NUP210L: variants seen among roughly 807,000 people sequenced by gnomAD.
NUP210L encodes nucleoporin 210 like.
A neutral mutation model predicts 208.5 loss-of-function variants in NUP210L; 74 were observed. The observed-to-expected ratio is 0.35, with a 90% CI of 0.29 to 0.43. The LOEUF is 0.43. Among genes scored for constraint, NUP210L ranks in the 20% least tolerant of loss-of-function variants. The pLI is 1.00. For synonymous variants in NUP210L, 780 were observed against 816.9 expected, an observed-to-expected ratio of 0.95 and a Z score of 0.77; for missense variants, 1,843 against 2,289.4, an observed-to-expected ratio of 0.81 and a Z score of 3.98.
At position 154,146,998 on chromosome 1, in the gene NUP210L, T is replaced by C. The variant is rs146485037; in HGVS notation, c.341-3421A>G. Among the ~76,000 whole-genome samples the C allele has an allele frequency of 7.2e-3, 1,089 of 152,158 alleles. 12 individuals are homozygous for C. The highest frequency in any genetic ancestry group is 0.023 in the African/African-American group (973 of 41,510). The stretch of plus-strand genomic sequence containing the variant: ...GCCACCGCACCTGGCTAATTTTTAA[T>C]TTTTTAGTTTTTTGTAGAGACAGGG... On this transcript the variant is annotated intron_variant, in intron 2 of 39. Transcript: ENST00000368559.
exon 37 of NUP210L, chr1:154,000,984 G>A (rs1650175969): frequency 6.2e-7 from 1 of 1,614,068 alleles, no homozygotes; most frequent in Non-Finnish European, 8.5e-7. Context: ...CACTCTTACA[G>A]AGTAAATGGC....
At chr1:154,025,441 T>G in intron 30 of NUP210L, 101 bp downstream of exon 30, 1 of 720,408 alleles carries the variant, frequency 1.4e-6, no homozygotes, top group Non-Finnish European at 2.0e-6. Flanking sequence ...TTTAATGGCA[T>G]GATAAGAAAA....
At chr1:154,035,215 TTTTG>T (rs1652466634) in intron 27 of NUP210L, among the ~76,000 whole-genome samples, 1 of 152,110 alleles carries the variant, frequency 6.6e-6, no homozygotes, top group Non-Finnish European at 1.5e-5. Flanking sequence ...GGTTTGTCAA[TTTTG>T]TTTATCTTTT....
At chr1:154,006,944 G>GTATATATATA (rs1421316044) in intron 35 of NUP210L, among the ~76,000 whole-genome samples, 1 of 97,850 alleles carries the variant, frequency 1.0e-5, no homozygotes, top group Non-Finnish European at 2.1e-5. Flanking sequence ...GTGTGTGTGT[G>GTATATATATA]TGTATATATA....
intron 33 of NUP210L, among the ~76,000 whole-genome samples, chr1:154,013,988 C>T (rs1651108737): frequency 6.6e-6 from 1 of 152,104 alleles, no homozygotes; most frequent in South Asian, 2.1e-4. Flanking sequence ...TGGTCTCGAA[C>T]TCCTGACCTC....
intron 25 of NUP210L, among the ~76,000 whole-genome samples, chr1:154,049,660 G>GA (rs1478700754): frequency 2.6e-5 from 4 of 152,230 alleles, no homozygotes; most frequent in African/African-American, 4.8e-5. Flanking sequence ...TTGTTATTAA[G>GA]AAAAAATCAG....
chr1:154,135,129 T>C (rs1658469973), intron 7 of NUP210L, among the ~76,000 whole-genome samples: 1 of 152,226 alleles, frequency 6.6e-6, no homozygotes, highest in African/African-American at 2.4e-5. Context: ...TAGTTAAACA[T>C]CTACTGGAGA....
At chr1:154,094,883 A>C (rs1656105384) in intron 15 of NUP210L, 52 bp downstream of exon 15, 2 of 1,338,694 alleles carry the variant, frequency 1.5e-6, no homozygotes, top group Non-Finnish European at 2.1e-6. Flanking sequence ...GGAAGTACAA[A>C]GGATTTGGAG....
At chr1:153,999,722 G>A (rs1485236472) in intron 37 of NUP210L, among the ~76,000 whole-genome samples, 1 of 102,152 alleles carries the variant, frequency 9.8e-6, no homozygotes, top group Non-Finnish European at 1.8e-5. Flanking sequence ...GGGTGACAGA[G>A]CAAGACTCTC....
At position 153,992,869 on chromosome 1, in the gene NUP210L, C is replaced by T. The variant is rs373905827; in HGVS notation, c.5633G>A (p.Arg1878Gln). 51 of 1,612,784 alleles carry T rather than the reference C, an allele frequency of 3.2e-5. No individual in the cohort carries two copies. In the African/African-American group the frequency reaches 3.6e-4, roughly 11 times the overall value. Residue 1878 changes from arginine to glutamine, a missense_variant, in exon 40 of 40, where the codon CGG (arginine) becomes CAG (glutamine). Arg to Gln is a conservative substitution (Grantham distance 43). Coordinates refer to ENST00000368559, the Ensembl canonical transcript of NUP210L. ...TATACTCCATAACCAATGTTGCAGC[C>T]GACTTTGGGCCAATGGAGGTTGTAG...
At chr1:154,022,222 T>A in exon 32 of NUP210L, 3 of 1,614,138 alleles carry the variant, frequency 1.9e-6, no homozygotes, top group Non-Finnish European at 2.5e-6. Flanking sequence ...GCAACAGGAA[T>A]ATAATCTGCC....
intron 27 of NUP210L, among the ~76,000 whole-genome samples, chr1:154,035,554 C>T (rs1454527159): frequency 3.3e-5 from 5 of 151,596 alleles, no homozygotes; most frequent in Non-Finnish European, 4.4e-5. Flanking sequence ...CTTGCCACCA[C>T]GCCCAGCTAA....
chr1:154,071,868 C>T (rs368897840), intron 16 of NUP210L, among the ~76,000 whole-genome samples: 11 of 152,022 alleles, frequency 7.2e-5, no homozygotes, highest in African/African-American at 2.4e-4. Context: ...AATCCCCTGA[C>T]CTCGTGATCT....
At chr1:154,129,328 C>T (rs369794086) in exon 8 of NUP210L, 14 of 1,610,640 alleles carry the variant, frequency 8.7e-6, no homozygotes, top group Admixed American at 3.4e-5. Flanking sequence ...AGTCCAGACA[C>T]AGATCGCATA....
chr1:154,151,740 G>T (rs1659393945), intron 2 of NUP210L, among the ~76,000 whole-genome samples: 1 of 152,048 alleles, frequency 6.6e-6, no homozygotes, highest in Admixed American at 6.6e-5. Flanking sequence ...GTGAGCTACT[G>T]TCGTGCCATT....
rs149530665 is a variant in NUP210L, at chr1:154,082,098, C to T, written c.2361+7323G>A. 4.1e-4 allele frequency among the ~76,000 whole-genome samples: 63 copies of T among 152,130 alleles called. 3 individuals carry two copies. In the East Asian group the frequency reaches 0.011, roughly 26 times the overall value. Reference sequence around the variant, plus strand: ...CCTAATCCCATGGAGAGGGCATGGACGCTGCGTGTCTGGGACTCTCTGAAG... The same window carrying T: ...CCTAATCCCATGGAGAGGGCATGGATGCTGCGTGTCTGGGACTCTCTGAAG... On this transcript the variant is annotated intron_variant, in intron 16 of 39. Coordinates refer to ENST00000368559, the Ensembl canonical transcript of NUP210L.
exon 36 of NUP210L, chr1:154,001,779 C>T: frequency 6.2e-7 from 1 of 1,614,150 alleles, no homozygotes; most frequent in Non-Finnish European, 8.5e-7. Flanking sequence ...ACTCTTATCT[C>T]CCCGATATCT....
At chr1:154,025,848 T>G in intron 29 of NUP210L, 132 bp from the exon 30 acceptor site, 1 of 660,566 alleles carries the variant, frequency 1.5e-6, no homozygotes, top group Non-Finnish European at 2.6e-6. Flanking sequence ...ACGTGTGTAA[T>G]TATTTGTTCC....
chr1:154,072,845 C>T (rs931291648), intron 16 of NUP210L, among the ~76,000 whole-genome samples: 28 of 152,182 alleles, frequency 1.8e-4, no homozygotes, highest in South Asian at 4.1e-4. Context: ...AAAAACCCTT[C>T]TAGACTTTGG....
Sources: gnomAD v4.1 joint callset for allele counts (sites outside exome capture counted in the v4.1 genomes callset) on GRCh38, gnomAD v4.1.1 for gene constraint, MANE v1.5 for transcripts, NCBI Gene and HGNC (gene_info 2026-07-23, HGNC 2026-07-21) for gene names.